DSCAM: variants seen among roughly 807,000 people sequenced by gnomAD.
DSCAM encodes the protein cell adhesion molecule DSCAM.
DSCAM carries 47 observed loss-of-function variants against 217.7 expected under a neutral mutation model. That is an observed-to-expected ratio of 0.22 (90% CI 0.17 to 0.28). The LOEUF (loss-of-function observed/expected upper bound fraction) is 0.28. DSCAM is among the 10% of genes least tolerant of loss of function. DSCAM has a pLI of 1.00. For synonymous variants in DSCAM, 1,056 were observed against 1,015.3 expected (o/e 1.04, Z -0.76); for missense variants, 2,080 against 2,618.3 (o/e 0.79, Z 4.49).
chr21:40,342,214 G>A (rs2074500069), intron 6 of DSCAM, among the ~76,000 whole-genome samples: 1 of 151,940 alleles, frequency 6.6e-6, no homozygotes, highest in South Asian at 2.1e-4. Flanking sequence ...ATCTATGTCA[G>A]ATATCTTATA....
chr21:40,530,865 T>C (rs2076438738), intron 3 of DSCAM, among the ~76,000 whole-genome samples: 1 of 148,928 alleles, frequency 6.7e-6, no homozygotes, highest in African/African-American at 2.5e-5. Flanking sequence ...CCATAACATC[T>C]CTCAGCCCTG....
At chr21:40,258,785 C>CCT (rs1294566782) in intron 11 of DSCAM, among the ~76,000 whole-genome samples, 2 of 152,236 alleles carry the variant, frequency 1.3e-5, no homozygotes, top group Non-Finnish European at 2.9e-5. Flanking sequence ...CTTTTGTTCT[C>CCT]CTCTCTCTTT....
chr21:40,383,235 G>A (rs1052908770), intron 3 of DSCAM: 4 of 152,210 alleles, frequency 2.6e-5, no homozygotes, highest in Admixed American at 2.0e-4. Context: ...GGCTGAGGCA[G>A]GAGAAATGCT....
intron 1 of DSCAM, among the ~76,000 whole-genome samples, chr21:40,714,298 C>T (rs748766567): frequency 2.0e-5 from 3 of 152,142 alleles, no homozygotes; most frequent in Non-Finnish European, 4.4e-5. Context: ...AACTGTAGAG[C>T]TACCAGCACA....
At chr21:40,267,197 G>A (rs533775867) in intron 11 of DSCAM, among the ~76,000 whole-genome samples, 1 of 137,704 alleles carries the variant, frequency 7.3e-6, no homozygotes, top group South Asian at 2.3e-4. Context: ...ATTAAAAAAT[G>A]AAAAAACAAG....
At position 40,095,465 on chromosome 21, in the gene DSCAM, G is replaced by T. The variant is rs141573216; in HGVS notation, c.3697-1591C>A. ...CAATTATAAGAAACCACACATTTGT[G>T]ATTCTCTTCATTTAAAATGTTCAGA... On this transcript the variant is annotated intron_variant, in intron 20 of 32. Coordinates refer to ENST00000400454, the MANE Select transcript of DSCAM (RefSeq NM_001389.5). Among the ~76,000 whole-genome samples the T allele has an allele frequency of 2.7e-4, 41 of 152,302 alleles. No individual in the cohort carries two copies. In the East Asian group the frequency reaches 7.9e-3, roughly 29 times the overall value.
intron 3 of DSCAM, among the ~76,000 whole-genome samples, chr21:40,406,083 T>G (rs370078801): frequency 2.0e-4 from 30 of 152,266 alleles, no homozygotes; most frequent in East Asian, 1.9e-3. Flanking sequence ...GAAGTGCAAT[T>G]TAAAACCGCA....
intron 3 of DSCAM, among the ~76,000 whole-genome samples, chr21:40,653,234 G>A (rs948721308): frequency 2.6e-5 from 4 of 152,158 alleles, no homozygotes; most frequent in Admixed American, 6.5e-5. Flanking sequence ...CCCAAGGGGT[G>A]GTCTCAGGAA....
intron 3 of DSCAM, among the ~76,000 whole-genome samples, chr21:40,465,756 C>G (rs547588699): frequency 1.3e-5 from 2 of 152,048 alleles, no homozygotes; most frequent in African/African-American, 4.8e-5. Flanking sequence ...GACTGGACAC[C>G]CCTGTTCTAG....
intron 3 of DSCAM, among the ~76,000 whole-genome samples, chr21:40,509,834 A>G (rs2076244064): frequency 2.6e-5 from 4 of 152,184 alleles, no homozygotes; most frequent in Admixed American, 2.6e-4. Flanking sequence ...CTTTCTCTAA[A>G]AGAATCTAGG....
chr21:40,461,031 C>T (rs1223950027), intron 3 of DSCAM, among the ~76,000 whole-genome samples: 3 of 151,874 alleles, frequency 2.0e-5, no homozygotes, highest in African/African-American at 7.3e-5. Context: ...TTCATAGTTG[C>T]AAAAGAATTG....
chr21:40,077,186 G>A (rs1471452026), intron 26 of DSCAM, among the ~76,000 whole-genome samples: 1 of 152,164 alleles, frequency 6.6e-6, no homozygotes, highest in African/African-American at 2.4e-5. Flanking sequence ...CCGTGCAGAG[G>A]CCAGGGACCC....
At position 40,342,745 on chromosome 21, in the gene DSCAM, C is replaced by CTTTTT. The variant is rs1217476912; in HGVS notation, c.1211-3335_1211-3331dup. Among the ~76,000 whole-genome samples, 198 of 67,144 alleles carry CTTTTT rather than the reference C, an allele frequency of 2.9e-3. 5 individuals are homozygous for CTTTTT. Among genetic ancestry groups the CTTTTT allele is most frequent in the Middle Eastern group, 0.015 (1 of 68 alleles). The allele number at this position is 67,144 out of a possible 152,430, so 44.0% of individuals were successfully genotyped here. ...CTGGGACTGCAGGTGCACACCACGCCTTTTTTTTTTTTTTTTTTTTTTGTA... is the reference window on the plus strand; with the variant it reads ...CTGGGACTGCAGGTGCACACCACGCCTTTTTTTTTTTTTTTTTTTTTTTTTTTGTA... On this transcript the variant is annotated intron_variant, in intron 6 of 32. Transcript: ENST00000400454.
chr21:40,804,252 C>A (rs981720334), intron 1 of DSCAM, among the ~76,000 whole-genome samples: 3 of 152,196 alleles, frequency 2.0e-5, no homozygotes, highest in Non-Finnish European at 4.4e-5. Context: ...AGCACAGAGT[C>A]CATGCACCTT....
At chr21:40,153,895 T>C (rs1382730617) in intron 16 of DSCAM, among the ~76,000 whole-genome samples, 3 of 152,184 alleles carry the variant, frequency 2.0e-5, no homozygotes, top group African/African-American at 7.2e-5. Context: ...TTTCTCAGGT[T>C]AGCCAGTAGC....
At chr21:40,375,492 T>G (rs1266135284) in intron 3 of DSCAM, among the ~76,000 whole-genome samples, 1 of 152,244 alleles carries the variant, frequency 6.6e-6, no homozygotes, top group Non-Finnish European at 1.5e-5. Context: ...GATCTCTCCC[T>G]GGATGGGTCC....
At chr21:40,246,354 TAAAAAAAAAAA>T (rs34308158) in intron 11 of DSCAM, among the ~76,000 whole-genome samples, 8 of 13,936 alleles carry the variant, frequency 5.7e-4, no homozygotes, top group East Asian at 2.3e-3. Context: ...CAGTCCGTAC[TAAAAAAAAAAA>T]AAAAAAAAAA....
chr21:40,238,575 C>CT (rs2073108325), intron 11 of DSCAM, among the ~76,000 whole-genome samples: 2 of 152,146 alleles, frequency 1.3e-5, no homozygotes, highest in East Asian at 3.9e-4. Flanking sequence ...ACCAAGCGCT[C>CT]TGAGTGGAAA....
rs554280046 is a variant in DSCAM, at chr21:40,345,798, A to C, written c.1210+1872T>G. Among the ~76,000 whole-genome samples, 3 of 152,266 alleles carry C rather than the reference A, an allele frequency of 2.0e-5. No homozygotes were observed. The East Asian group carries it at 5.8e-4, about 29-fold the overall frequency. Reference sequence around the variant, plus strand: ...ATTCCATTTCTGCTTTCTTTGCTACATTAGCACTGTCATCTCTCAGAAGAG... The same window carrying C: ...ATTCCATTTCTGCTTTCTTTGCTACCTTAGCACTGTCATCTCTCAGAAGAG... On this transcript the variant is annotated intron_variant, in intron 6 of 32. Coordinates refer to ENST00000400454, the MANE Select transcript of DSCAM (RefSeq NM_001389.5).
Sources: allele counts gnomAD v4.1 joint callset (sites outside exome capture counted in the v4.1 genomes callset), GRCh38; gene constraint gnomAD v4.1.1; transcripts MANE v1.5; gene names NCBI Gene and HGNC (gene_info 2026-07-23, HGNC 2026-07-21).